Variants in BAG2 observed in about 807,000 individuals in gnomAD.
BAG2 encodes BAG family molecular chaperone regulator 2.
BAG2 carries 8 observed loss-of-function variants against 16.4 expected under a neutral mutation model. The observed-to-expected ratio is 0.49, with a 90% CI of 0.29 to 0.88. The LOEUF (loss-of-function observed/expected upper bound fraction) is 0.88, where lower values mean the gene tolerates loss of function less well. Among genes scored for constraint, BAG2 ranks in the 40% least tolerant of loss-of-function variants. BAG2 has a pLI of 0.09. For missense variants in BAG2, 218 were observed against 248.9 expected, an observed-to-expected ratio of 0.88 and a Z score of 0.84; for synonymous variants, 82 against 89.2, an observed-to-expected ratio of 0.92 and a Z score of 0.46.
intron 1 of BAG2, among the ~76,000 whole-genome samples, chr6:57,177,341 T>A (rs1437230041): frequency 6.6e-6 from 1 of 152,016 alleles, no homozygotes; most frequent in Non-Finnish European, 1.5e-5. Context: ...ACTTGAACCC[T>A]GGAGGTGGAG....
At chr6:57,182,274 A>G in intron 2 of BAG2, 133 bp downstream of exon 2, 1 of 600,970 alleles carries the variant, frequency 1.7e-6, no homozygotes, top group Non-Finnish European at 2.8e-6. Flanking sequence ...AGCCACAGAG[A>G]GCAGCTGCAG....
chr6:57,182,058 C>A lies in BAG2; in HGVS notation c.140C>A (p.Thr47Asn). The change falls in exon 2 of 3, where the codon ACT (threonine) becomes AAT (asparagine). Residue 47 changes from threonine (T) to asparagine (N), a missense_variant. By Grantham distance (65) the Thr-to-Asn change is moderately conservative (BLOSUM62 0). Coordinates refer to ENST00000370693, the MANE Select transcript of BAG2 (RefSeq NM_004282.4). Reference sequence around the variant, plus strand: ...GTTGAAGCTTTGAGAGAAGCAGCAACTGCTGTTGAGCAAGAGAAAGAAATC... The same window carrying A: ...GTTGAAGCTTTGAGAGAAGCAGCAAATGCTGTTGAGCAAGAGAAAGAAATC... ...LRVEALREAA[T>N]AVEQEKEILL... The A allele has an allele frequency of 6.2e-7, 1 of 1,614,076 alleles. No individual in the cohort carries two copies. Among genetic ancestry groups the A allele is most frequent in the South Asian group, 1.1e-5 (1 of 91,070 alleles).
At chr6:57,174,108 C>T in intron 1 of BAG2, 1 of 782,976 alleles carries the variant, frequency 1.3e-6, no homozygotes, top group Non-Finnish European at 1.6e-6. Flanking sequence ...TACTGGCAAA[C>T]CTGACCGTTC....
At position 57,172,566 on chromosome 6, in the gene BAG2, T is replaced by C; in HGVS notation, c.-132T>C. The C allele has an allele frequency of 1.5e-6, 1 of 680,230 alleles. No individual in the cohort carries two copies. The highest frequency in any genetic ancestry group is 2.2e-6 in the Non-Finnish European group (1 of 447,506). The allele number at this position is 680,230 out of a possible 1,614,324, so 42.1% of individuals were successfully genotyped here. ...CGCGGTGTCGGCGAGTCCTCCCGGG[T>C]TGCCCCCGCGGGCGTCAGAGGGAGG... On this transcript the variant is annotated 5_prime_UTR_variant, in exon 1 of 3. Coordinates refer to ENST00000370693, the MANE Select transcript of BAG2 (RefSeq NM_004282.4).
At chr6:57,172,941 T>C (rs1764167730) in intron 1 of BAG2, 131 bp downstream of exon 1, 2 of 779,716 alleles carry the variant, frequency 2.6e-6, no homozygotes, top group Admixed American at 4.0e-5. Flanking sequence ...CCGAAGTTGC[T>C]TGTTGAGATT....
intron 1 of BAG2, among the ~76,000 whole-genome samples, chr6:57,176,042 C>T (rs1764275563): frequency 6.6e-6 from 1 of 152,146 alleles, no homozygotes; most frequent in South Asian, 2.1e-4. Flanking sequence ...TTGGGGGATA[C>T]TTAGCTGCAA....
At position 57,184,234 on chromosome 6, in the gene BAG2, A is replaced by G. The variant is rs764051140; in HGVS notation, c.*44A>G. 30 of 1,426,710 alleles carry G rather than the reference A, an allele frequency of 2.1e-5. No homozygotes were observed. Among genetic ancestry groups the G allele is most frequent in the Non-Finnish European group, 2.6e-5 (28 of 1,087,568 alleles). The allele number at this position is 1,426,710 out of a possible 1,614,324, so 88.4% of individuals were successfully genotyped here. ...TTTACACAATACACAAGGTGTAAAA[A>G]TGATAAAATACTATTTTAATTGATA... On this transcript the variant is annotated 3_prime_UTR_variant, in exon 3 of 3. Transcript: ENST00000370693.
chr6:57,176,480 T>C (rs1441770039), intron 1 of BAG2, among the ~76,000 whole-genome samples: 5 of 152,210 alleles, frequency 3.3e-5, no homozygotes, highest in Non-Finnish European at 5.9e-5. Context: ...GTGTTAGGTA[T>C]TGGGTAGCTC....
intron 1 of BAG2, among the ~76,000 whole-genome samples, chr6:57,174,810 CAT>C (rs1248699593): frequency 2.4e-4 from 37 of 152,102 alleles, no homozygotes; most frequent in African/African-American, 8.9e-4. Flanking sequence ...ACATGAAACT[CAT>C]ATGTAATTTT....
intron 1 of BAG2, among the ~76,000 whole-genome samples, chr6:57,175,069 G>T (rs1181797993): frequency 6.6e-6 from 1 of 152,168 alleles, no homozygotes; most frequent in Non-Finnish European, 1.5e-5. Context: ...TATCAATACA[G>T]TAGCCCTTTT....
rs1410123511 is a variant in BAG2 at position 57,187,115 on chromosome 6, G to C, written c.*2925G>C. The stretch of plus-strand genomic sequence containing the variant: ...AACCAAATAGCAATACATACAAGTG[G>C]TTTTCCATTCAAATTTACAAAAGCA... On this transcript the variant is annotated 3_prime_UTR_variant, in exon 3 of 3. Coordinates refer to ENST00000370693, the MANE Select transcript of BAG2 (RefSeq NM_004282.4). 6.6e-6 allele frequency: 1 copy of C among 152,036 alleles called. No individual in the cohort carries two copies. Among genetic ancestry groups the C allele is most frequent in the African/African-American group, 2.4e-5 (1 of 41,372 alleles). 9.4% of individuals were successfully genotyped at this position (152,036 alleles called of 1,614,324 possible).
At chr6:57,173,571 A>G (rs9370567) in intron 1 of BAG2, 1 of 853,274 alleles carries the variant, frequency 1.2e-6, no homozygotes, top group East Asian at 1.2e-4. Context: ...TTGGTAATAC[A>G]GTAGTAGACT....
intron 1 of BAG2, among the ~76,000 whole-genome samples, chr6:57,176,630 G>A (rs1419736869): frequency 6.6e-6 from 1 of 152,310 alleles, no homozygotes; most frequent in East Asian, 1.9e-4. Flanking sequence ...CTGCCTTCCT[G>A]TCAGCCTTTC....
chr6:57,172,767 C>T lies in BAG2; in HGVS notation c.70C>T (p.Arg24Cys). 1.3e-6 allele frequency: 2 copies of T among 1,576,580 alleles called. No homozygotes were observed. The highest frequency in any genetic ancestry group is 1.7e-6 in the Non-Finnish European group (2 of 1,164,434). The change falls in exon 1 of 3, where the codon CGC becomes TGC. Residue 24 changes from arginine (R) to cysteine (C), a missense_variant. This residue lies in a region of BAG2 where 75 missense variants were observed against 63.1 expected (regional missense o/e 1.19). Transcript: ENST00000370693. ...RFCRSSSMAD[R>C]SSRLLESLDQ... Reference sequence around the variant, plus strand: ...CTGCCGCTCCTCCTCCATGGCTGACCGCTCCAGCCGCCTGCTGGAGAGCCT... The same window carrying T: ...CTGCCGCTCCTCCTCCATGGCTGACTGCTCCAGCCGCCTGCTGGAGAGCCT...
intron 2 of BAG2, 122 bp downstream of exon 2, chr6:57,182,263 G>C: frequency 1.6e-6 from 1 of 638,978 alleles, no homozygotes; most frequent in South Asian, 2.5e-5. Flanking sequence ...CATTTAATGT[G>C]AGCCACAGAG....
chr6:57,189,454 G>A lies in BAG2; in HGVS notation c.*5264G>A, dbSNP rs1300525504. On this transcript the variant is annotated 3_prime_UTR_variant, in exon 3 of 3. Coordinates refer to ENST00000370693, the MANE Select transcript of BAG2 (RefSeq NM_004282.4). ...GGGTTCTCAGTGAGCAGCAAAAGGT[G>A]TTAGATGCATCACCACACTTCACAG... The A allele has an allele frequency of 6.6e-6, 1 of 152,170 alleles. No individual in the cohort carries two copies. Among genetic ancestry groups the A allele is most frequent in the Non-Finnish European group, 1.5e-5 (1 of 68,026 alleles). 9.4% of individuals were successfully genotyped at this position (152,170 alleles called of 1,614,324 possible). A position where few individuals can be genotyped will look rare whatever the true frequency, so the allele number is the denominator to read the frequency against.
intron 1 of BAG2, chr6:57,174,139 C>A: frequency 1.0e-6 from 1 of 1,000,724 alleles, no homozygotes; most frequent in Non-Finnish European, 1.2e-6. Flanking sequence ...AAAAGTAGAG[C>A]GAAAGTAGAA....
At position 57,182,083 on chromosome 6, in the gene BAG2, C is replaced by A. The variant is rs766755089; in HGVS notation, c.165C>A (p.Ile55=). 3.1e-6 allele frequency: 5 copies of A among 1,613,964 alleles called. No individual in the cohort carries two copies. The African/African-American group carries it at 6.7e-5, about 22-fold the overall frequency. The change falls in exon 2 of 3, where the codon ATC becomes ATA. Residue 55 remains isoleucine (I), a synonymous_variant. Transcript: ENST00000370693. The part of the protein sequence containing the change: ...AATAVEQEKE[I]LLEMIHSIQN... ...CTGCTGTTGAGCAAGAGAAAGAAAT[C>A]CTTCTGGAAATGATCCACAGTATCC... is the stretch of plus-strand genomic sequence containing the variant.
At position 57,184,285 on chromosome 6, in the gene BAG2, C is replaced by T; in HGVS notation, c.*95C>T. Reference sequence around the variant, plus strand: ...ACTAGTTCTTTGTTAGGTATAACCACTTAGTTGACACTGATAGTTGTTTCA... The same window carrying T: ...ACTAGTTCTTTGTTAGGTATAACCATTTAGTTGACACTGATAGTTGTTTCA... On this transcript the variant is annotated 3_prime_UTR_variant, in exon 3 of 3. Transcript: ENST00000370693. 8.5e-7 allele frequency: 1 copy of T among 1,174,826 alleles called. No homozygotes were observed. 72.8% of individuals were successfully genotyped at this position (1,174,826 alleles called of 1,614,324 possible).
Sources: allele counts gnomAD v4.1 joint callset (sites outside exome capture counted in the v4.1 genomes callset), GRCh38; gene constraint gnomAD v4.1.1; regional missense constraint gnomAD v4.1.1; transcripts MANE v1.5; gene names NCBI Gene and HGNC (gene_info 2026-07-23, HGNC 2026-07-21).